The following DYRK1A variants were observed in gnomAD, a reference collection of about 807,000 sequenced individuals.
The protein encoded by DYRK1A is dual specificity tyrosine phosphorylation regulated kinase 1A, also known as dual specificity tyrosine-phosphorylation-regulated kinase 1A.
Under a neutral mutation model 79.7 loss-of-function variants are expected in DYRK1A, and 9 were observed. The ratio of observed to expected loss-of-function variants is 0.11; its 90% CI spans 0.07 to 0.20. The LOEUF is 0.20. Among genes scored for constraint, DYRK1A ranks in the 10% least tolerant of loss-of-function variants. The pLI is 1.00. For synonymous variants in DYRK1A, 349 were observed against 329.7 expected, an observed-to-expected ratio of 1.06 and a Z score of -0.63; for missense variants, 622 against 956.0, an observed-to-expected ratio of 0.65 and a Z score of 4.61.
chr21:37,401,143 C>CA (rs556123762), intron 1 of DYRK1A, among the ~76,000 whole-genome samples: 70 of 144,182 alleles, frequency 4.9e-4, no homozygotes, highest in African/African-American at 1.5e-3. Flanking sequence ...GATTCTGTCT[C>CA]AAAAAAAAAG....
intron 9 of DYRK1A, among the ~76,000 whole-genome samples, chr21:37,500,747 ACTT>A (rs2053417651): frequency 6.6e-6 from 1 of 151,920 alleles, no homozygotes; most frequent in African/African-American, 2.4e-5. Flanking sequence ...GTTGGCGTAA[ACTT>A]ATCAATAATA....
In DYRK1A at chr21:37,383,839, G is replaced by A. The variant is rs1602374603; in HGVS notation, c.-77+16211G>A. Among the ~76,000 whole-genome samples, 7 of 147,696 alleles carry A rather than the reference G, an allele frequency of 4.7e-5. No individual in the cohort carries two copies. In the South Asian group the frequency reaches 8.4e-4, roughly 18 times the overall value. ...GGTGATGTGATAGGTAATGGTGTATGTGTGTGTGTGTGTGTGTGTGTAGTT... is the reference window on the plus strand; with the variant it reads ...GGTGATGTGATAGGTAATGGTGTATATGTGTGTGTGTGTGTGTGTGTAGTT... On this transcript the variant is annotated intron_variant, in intron 1 of 11. Transcript: ENST00000647188.
At chr21:37,476,960 A>G (rs572798223) in intron 3 of DYRK1A, among the ~76,000 whole-genome samples, 4 of 152,236 alleles carry the variant, frequency 2.6e-5, no homozygotes, top group Non-Finnish European at 5.9e-5. Context: ...ACCAGTGTTA[A>G]TGTTGGTTCA....
intron 5 of DYRK1A, among the ~76,000 whole-genome samples, chr21:37,485,266 A>G (rs1359605508): frequency 1.3e-5 from 2 of 152,218 alleles, no homozygotes; most frequent in East Asian, 1.9e-4. Context: ...GGATCTGGGC[A>G]CTGAACTGCA....
chr21:37,370,332 C>T (rs1366778138), intron 1 of DYRK1A, among the ~76,000 whole-genome samples: 2 of 150,562 alleles, frequency 1.3e-5, no homozygotes, highest in East Asian at 3.9e-4. Context: ...TTAGGCTGCC[C>T]TGAGGTGTTT....
Position 37,398,132 on chromosome 21 carries a change from G to GTA in DYRK1A, c.-76-22155_-76-22154dup, listed in dbSNP as rs201238526. Reference sequence around the variant, plus strand: ...TTGTATATTTTATATTTATATATGTGTATATATATATATTTTTTTACCCTG... The same window carrying GTA: ...TTGTATATTTTATATTTATATATGTGTATATATATATATATTTTTTTACCCTG... On this transcript the variant is annotated intron_variant, in intron 1 of 11. Transcript: ENST00000647188. Among the ~76,000 whole-genome samples the GTA allele has an allele frequency of 1.7e-3, 245 of 146,254 alleles. 1 individual carries two copies. Among genetic ancestry groups the GTA allele is most frequent in the African/African-American group, 5.2e-3 (208 of 39,990 alleles).
At position 37,505,579 on chromosome 21, in the gene DYRK1A, G is replaced by A. The variant is rs763907769; in HGVS notation, c.1509G>A (p.Ser503=). Residue 503 remains serine, a synonymous_variant, in exon 10 of 12, where the codon TCG becomes TCA. Coordinates refer to ENST00000647188, the MANE Select transcript of DYRK1A (RefSeq NM_001347721.2). ...SQSSGTTSST[S]SSSGGSSGTS... is the part of the protein sequence containing the mutation. ...CTTCGGGCACCACCTCCAGTACATC[G>A]TCAAGCTCAGGTCTGTGCTGCTGCG... 3.3e-5 allele frequency: 53 copies of A among 1,602,984 alleles called. No individual in the cohort carries two copies. The highest frequency in any genetic ancestry group is 5.0e-5 in the Admixed American group (3 of 59,872).
At chr21:37,492,976 T>C (rs1407927862) in intron 7 of DYRK1A, 41 bp from the exon 8 acceptor site, 1 of 1,518,090 alleles carries the variant, frequency 6.6e-7, no homozygotes. Flanking sequence ...TGACTGCAGT[T>C]TTAAGCAATT....
intron 1 of DYRK1A, among the ~76,000 whole-genome samples, chr21:37,408,984 T>G (rs906494984): frequency 6.6e-6 from 1 of 152,144 alleles, no homozygotes; most frequent in Non-Finnish European, 1.5e-5. Flanking sequence ...GCATAAATAC[T>G]GTTGTGCCAG....
intron 1 of DYRK1A, among the ~76,000 whole-genome samples, chr21:37,400,666 T>G (rs2050036488): frequency 6.6e-6 from 1 of 152,218 alleles, no homozygotes. Flanking sequence ...AGGGTCAGTG[T>G]AAGCTGACAG....
At chr21:37,416,933 T>C (rs1299648513) in intron 1 of DYRK1A, among the ~76,000 whole-genome samples, 5 of 152,238 alleles carry the variant, frequency 3.3e-5, no homozygotes, top group Non-Finnish European at 1.5e-5. Flanking sequence ...GAGGTAGTAC[T>C]TAACTAGTAC....
Position 37,408,589 on chromosome 21 carries a change from A to T in DYRK1A, c.-76-11710A>T, listed in dbSNP as rs145869730. Among the ~76,000 whole-genome samples, 12 of 152,322 alleles carry T rather than the reference A, an allele frequency of 7.9e-5. No individual in the cohort carries two copies. The East Asian group carries it at 1.7e-3, about 22-fold the overall frequency. On this transcript the variant is annotated intron_variant, in intron 1 of 11. Transcript: ENST00000647188. The stretch of plus-strand genomic sequence containing the variant: ...ATATAAATTTTTTTTAGCACATAGA[A>T]CAGTCATTCTCTATAGCAAAAGTAC...
rs1172003992 is a variant in DYRK1A at position 37,403,399 on chromosome 21, C to T, written c.-76-16900C>T. Among the ~76,000 whole-genome samples, 3 of 151,674 alleles carry T rather than the reference C, an allele frequency of 2.0e-5. No homozygotes were observed. In the East Asian group the frequency reaches 5.8e-4, roughly 29 times the overall value. On this transcript the variant is annotated intron_variant, in intron 1 of 11. Coordinates refer to ENST00000647188, the MANE Select transcript of DYRK1A (RefSeq NM_001347721.2). ...GGTGTTTTACTGACTCCTTTTTCCC[C>T]CTTATTGGATCACATTTTTCTGTTT...
chr21:37,473,716 A>G (rs966805550), intron 3 of DYRK1A, among the ~76,000 whole-genome samples: 2 of 152,196 alleles, frequency 1.3e-5, no homozygotes, highest in African/African-American at 2.4e-5. Flanking sequence ...TGTCTTGTTT[A>G]TATTAAAACG....
At chr21:37,405,675 C>T (rs2148406949) in intron 1 of DYRK1A, among the ~76,000 whole-genome samples, 1 of 152,308 alleles carries the variant, frequency 6.6e-6, no homozygotes, top group East Asian at 1.9e-4. Context: ...TGACAGTCCT[C>T]CTTCCCCAAA....
intron 11 of DYRK1A, among the ~76,000 whole-genome samples, chr21:37,511,550 A>G (rs1290835674): frequency 1.3e-5 from 2 of 152,206 alleles, no homozygotes; most frequent in African/African-American, 4.8e-5. Flanking sequence ...GAGGAAGGAC[A>G]TGAGGGAAAA....
intron 2 of DYRK1A, chr21:37,421,747 T>C (rs964905547): frequency 6.6e-6 from 1 of 152,154 alleles, no homozygotes; most frequent in Non-Finnish European, 1.5e-5. Flanking sequence ...TGTTGTCAGA[T>C]TTTATAAGTT....
chr21:37,375,374 A>G (rs1273615093), intron 1 of DYRK1A, among the ~76,000 whole-genome samples: 1 of 152,140 alleles, frequency 6.6e-6, no homozygotes, highest in East Asian at 1.9e-4. Flanking sequence ...AGAAGGAACA[A>G]AGGTAGTTCT....
At chr21:37,422,848 A>G (rs1222075711) in intron 2 of DYRK1A, among the ~76,000 whole-genome samples, 2 of 152,150 alleles carry the variant, frequency 1.3e-5, no homozygotes, top group Non-Finnish European at 2.9e-5. Context: ...CACTAGGCCA[A>G]AGTCAGACTT....
Sources: allele counts gnomAD v4.1 joint callset (sites outside exome capture counted in the v4.1 genomes callset), GRCh38; gene constraint gnomAD v4.1.1; transcripts MANE v1.5; gene names NCBI Gene and HGNC (gene_info 2026-07-23, HGNC 2026-07-21).